Variants in KCNJ15 observed in about 807,000 individuals in gnomAD.
The protein encoded by KCNJ15 is ATP-sensitive inward rectifier potassium channel 15.
In KCNJ15, 14 loss-of-function variants were observed where a neutral mutation model predicts 23.0. The ratio of observed to expected loss-of-function variants is 0.61; its 90% CI spans 0.40 to 0.95. The LOEUF (loss-of-function observed/expected upper bound fraction) is 0.95, where lower values mean the gene tolerates loss of function less well. KCNJ15 is among the 40% of genes least tolerant of loss of function. The pLI is 0.00. For missense variants in KCNJ15, 388 were observed against 461.8 expected, an observed-to-expected ratio of 0.84 and a Z score of 1.46; for synonymous variants, 185 against 183.2, an observed-to-expected ratio of 1.01 and a Z score of -0.08.
intron 1 of KCNJ15, among the ~76,000 whole-genome samples, chr21:38,285,001 T>C (rs1569008779): frequency 6.6e-6 from 1 of 152,242 alleles, no homozygotes; most frequent in Non-Finnish European, 1.5e-5. Context: ...CTCTTAATGC[T>C]TCATCAGCAG....
chr21:38,231,585 T>A (rs1988745332), intron 1 of KCNJ15, among the ~76,000 whole-genome samples: 1 of 151,958 alleles, frequency 6.6e-6, no homozygotes, highest in African/African-American at 2.4e-5. Flanking sequence ...TTTGTATTGT[T>A]TGTTTTGTTT....
chr21:38,256,331 G>A (rs1980223894), upstream of KCNJ15, among the ~76,000 whole-genome samples: 1 of 135,328 alleles, frequency 7.4e-6, no homozygotes, highest in Non-Finnish European at 1.6e-5. Context: ...TGATCCAGAA[G>A]AACCAAATTT....
At chr21:38,266,728 C>G (rs2056894494) in intron 1 of KCNJ15, among the ~76,000 whole-genome samples, 1 of 152,202 alleles carries the variant, frequency 6.6e-6, no homozygotes, top group Non-Finnish European at 1.5e-5. Context: ...TTCCATGGCT[C>G]TAAGTATTTC....
chr21:38,281,954 G>A (rs1983393448), intron 1 of KCNJ15, among the ~76,000 whole-genome samples: 1 of 152,092 alleles, frequency 6.6e-6, no homozygotes, highest in African/African-American at 2.4e-5. Flanking sequence ...TTTAGTAATA[G>A]CCATTCTGAC....
upstream of KCNJ15, among the ~76,000 whole-genome samples, chr21:38,253,152 C>T (rs963813171): frequency 6.6e-6 from 1 of 152,126 alleles, no homozygotes; most frequent in African/African-American, 2.4e-5. Context: ...AAAATTGTAC[C>T]CTGGCTTCTT....
intron 1 of KCNJ15, among the ~76,000 whole-genome samples, chr21:38,290,824 A>T (rs553137265): frequency 6.6e-6 from 1 of 152,242 alleles, no homozygotes; most frequent in African/African-American, 2.4e-5. Flanking sequence ...CCTACCCGTA[A>T]AATGGACTAA....
intron 1 of KCNJ15, among the ~76,000 whole-genome samples, chr21:38,236,771 T>C (rs1034022576): frequency 6.6e-6 from 1 of 152,180 alleles, no homozygotes; most frequent in Non-Finnish European, 1.5e-5. Flanking sequence ...CTCCTATGTG[T>C]GGTACAAGTA....
intron 1 of KCNJ15, among the ~76,000 whole-genome samples, chr21:38,260,000 A>G (rs2836250): frequency 0.77 from 117,046 of 152,150 alleles, 45,733 homozygotes; most frequent in African/African-American, 0.9. Context: ...AAGGAGAACT[A>G]AGGGCAGAGA....
intron 1 of KCNJ15, among the ~76,000 whole-genome samples, chr21:38,277,523 A>C (rs1260146958): frequency 2.6e-5 from 4 of 152,186 alleles, no homozygotes; most frequent in Non-Finnish European, 5.9e-5. Context: ...CTAAGAAGCA[A>C]ACCACTCTCA....
intron 1 of KCNJ15, among the ~76,000 whole-genome samples, chr21:38,244,599 C>T (rs1314806206): frequency 6.6e-6 from 1 of 152,122 alleles, no homozygotes; most frequent in African/African-American, 2.4e-5. Context: ...CAGGAGAGGA[C>T]ACTAAGAGTA....
intron 1 of KCNJ15, among the ~76,000 whole-genome samples, chr21:38,277,628 G>A (rs1982861459): frequency 6.6e-6 from 1 of 152,150 alleles, no homozygotes; most frequent in Non-Finnish European, 1.5e-5. Flanking sequence ...GCAAGAGCGA[G>A]TGCAGCTTCC....
intron 1 of KCNJ15, among the ~76,000 whole-genome samples, chr21:38,249,303 C>T (rs989656988): frequency 3.3e-5 from 5 of 152,130 alleles, no homozygotes; most frequent in African/African-American, 7.2e-5. Flanking sequence ...TTCTGATGTG[C>T]GTACTAGGTG....
Position 38,248,657 on chromosome 21 carries a change from C to T in KCNJ15, c.-398-8389C>T, listed in dbSNP as rs570884625. Among the ~76,000 whole-genome samples the T allele has an allele frequency of 1.3e-3, 194 of 152,288 alleles. 1 individual carries two copies. The highest frequency in any genetic ancestry group is 6.8e-3 in the Middle Eastern group (2 of 294). On this transcript the variant is annotated intron_variant, in intron 1 of 4. Transcript: ENST00000547341. Reference sequence around the variant, plus strand: ...CAGATCTTGAAGGAACTGGAGTGCACGGCTTCTGTGTCCCACAATTCAAAC... The same window carrying T: ...CAGATCTTGAAGGAACTGGAGTGCATGGCTTCTGTGTCCCACAATTCAAAC...
upstream of KCNJ15, chr21:38,256,589 G>A (rs1254721252): frequency 6.6e-6 from 1 of 151,582 alleles, no homozygotes; most frequent in Non-Finnish European, 1.5e-5. Context: ...AGAAAACATG[G>A]GATAAAGGAG....
chr21:38,283,476 T>G (rs1262120807), intron 1 of KCNJ15, among the ~76,000 whole-genome samples: 1 of 152,242 alleles, frequency 6.6e-6, no homozygotes, highest in Non-Finnish European at 1.5e-5. Context: ...ATTTAGCATT[T>G]TTTCATGATT....
chr21:38,256,378 A>ATATG (rs1555882101), upstream of KCNJ15, among the ~76,000 whole-genome samples: 5,485 of 143,628 alleles, frequency 0.038, 603 homozygotes, highest in African/African-American at 0.14. Context: ...ATATATATAT[A>ATATG]TAATATTTAT....
At chr21:38,264,547 A>G (rs919533070) in intron 1 of KCNJ15, among the ~76,000 whole-genome samples, 10 of 152,262 alleles carry the variant, frequency 6.6e-5, no homozygotes, top group African/African-American at 1.9e-4. Context: ...AGCAATATGT[A>G]TTGAATCCAC....
In KCNJ15 at chr21:38,301,942, C is replaced by T. The variant is rs989361852; in HGVS notation, c.*1553C>T. The T allele has an allele frequency of 6.2e-6, 1 of 161,110 alleles. No individual in the cohort carries two copies. The highest frequency in any genetic ancestry group is 6.6e-5 in the Admixed American group (1 of 15,250). The allele number at this position is 161,110 out of a possible 1,614,324, so 10.0% of individuals were successfully genotyped here. The stretch of plus-strand genomic sequence containing the variant: ...AAAGATGTACGCATGATTCCCCCCA[C>T]CAAGCACACACACAGTCACACACGC... On this transcript the variant is annotated 3_prime_UTR_variant, in exon 3 of 3. Transcript: ENST00000398938.
rs138739306 is a variant in KCNJ15, at chr21:38,241,364, G to A, written c.-398-15682G>A. Among the ~76,000 whole-genome samples the A allele has an allele frequency of 2.5e-3, 375 of 152,328 alleles. 3 individuals carry two copies. The highest frequency in any genetic ancestry group is 8.5e-3 in the African/African-American group (355 of 41,580). On this transcript the variant is annotated intron_variant, in intron 1 of 4. Transcript: ENST00000547341. ...ATTTTGTTCTAGATTTCTCAGCAAA[G>A]GTTGGGATATTAGAGTTCAAAACAC...
Sources: allele counts gnomAD v4.1 joint callset (sites outside exome capture counted in the v4.1 genomes callset), GRCh38; gene constraint gnomAD v4.1.1; transcripts MANE v1.5; gene names NCBI Gene and HGNC (gene_info 2026-07-23, HGNC 2026-07-21).